PTPRQ: variants seen among roughly 807,000 people sequenced by gnomAD.
PTPRQ encodes phosphatidylinositol phosphatase PTPRQ.
In PTPRQ, 199 loss-of-function variants were observed where a neutral mutation model predicts 246.0. That is an observed-to-expected ratio of 0.81 (90% CI 0.72 to 0.91). The LOEUF is 0.91. Ranked by LOEUF, PTPRQ falls within the 40% of genes least tolerant of loss-of-function variation. The pLI is 0.00. For missense variants in PTPRQ, 2,624 were observed against 2,528.4 expected (o/e 1.04, Z -0.81); for synonymous variants, 869 against 853.2 (o/e 1.02, Z -0.32).
intron 3 of PTPRQ, among the ~76,000 whole-genome samples, chr12:80,456,324 A>G (rs1014429432): frequency 3.3e-5 from 5 of 152,152 alleles, no homozygotes; most frequent in Non-Finnish European, 5.9e-5. Flanking sequence ...GAAAAGAAAA[A>G]AAATTCTTAC....
At chr12:80,462,012 G>A (rs1047285711) in intron 6 of PTPRQ, 14 of 698,932 alleles carry the variant, frequency 2.0e-5, no homozygotes, top group Non-Finnish European at 3.7e-5. Context: ...GACAGTGGAT[G>A]CAGGTCAGTG....
chr12:80,588,060 T>C, intron 25 of PTPRQ, 69 bp from the exon 26 acceptor site: 1 of 1,427,896 alleles, frequency 7.0e-7, no homozygotes. Flanking sequence ...AATAGAATTC[T>C]ATTCTTTCTT....
intron 35 of PTPRQ, among the ~76,000 whole-genome samples, chr12:80,642,970 A>G (rs1338902858): frequency 6.6e-6 from 1 of 150,636 alleles, no homozygotes; most frequent in African/African-American, 2.4e-5. Context: ...CTCAAGTGCT[A>G]GGCACTGTTT....
chr12:80,628,362 T>C (rs1359688216), intron 33 of PTPRQ, among the ~76,000 whole-genome samples: 3 of 152,150 alleles, frequency 2.0e-5, no homozygotes, highest in Admixed American at 6.6e-5. Context: ...TCTTTTATAT[T>C]GGTAACATTA....
intron 27 of PTPRQ, among the ~76,000 whole-genome samples, chr12:80,608,821 G>A (rs17006965): frequency 0.015 from 2,191 of 150,534 alleles, 104 homozygotes; most frequent in Admixed American, 0.089. Flanking sequence ...ATGGGACCCA[G>A]GCCCCTTTAC....
rs549074949 is a variant in PTPRQ at position 80,565,398 on chromosome 12, T to C, written c.4285+15664T>C. Among the ~76,000 whole-genome samples, 7 of 152,340 alleles carry C rather than the reference T, an allele frequency of 4.6e-5. No individual in the cohort carries two copies. The South Asian group carries it at 1.4e-3, about 32-fold the overall frequency. ...TGTTTTTATTAACTTATTTAGGAAC[T>C]GGTGCATATCTTATTACCCTATTTT... is the stretch of plus-strand genomic sequence containing the variant. On this transcript the variant is annotated intron_variant, in intron 25 of 44. Coordinates refer to ENST00000644991, the MANE Select transcript of PTPRQ (RefSeq NM_001145026.2).
intron 35 of PTPRQ, among the ~76,000 whole-genome samples, chr12:80,646,145 C>T (rs1900064817): frequency 6.6e-6 from 1 of 152,026 alleles, no homozygotes; most frequent in Admixed American, 6.6e-5. Flanking sequence ...TGGATAGGAG[C>T]AGCTTGAGAT....
At chr12:80,526,959 T>C (rs182030129) in intron 17 of PTPRQ, among the ~76,000 whole-genome samples, 2 of 152,228 alleles carry the variant, frequency 1.3e-5, no homozygotes, top group Admixed American at 1.3e-4. Context: ...TTCCAACCTT[T>C]AGAGCTTTAT....
chr12:80,506,333 A>G (rs1396603591), intron 15 of PTPRQ, 127 bp downstream of exon 15: 3 of 1,096,812 alleles, frequency 2.7e-6, no homozygotes, highest in African/African-American at 3.2e-5. Context: ...TTTTTGGTTA[A>G]ATAAGCTAGG....
Position 80,493,440 on chromosome 12 carries a change from C to T in PTPRQ, c.1525C>T (p.Gln509Ter). The T allele has an allele frequency of 1.9e-6, 3 of 1,548,008 alleles. No homozygotes were observed. The highest frequency in any genetic ancestry group is 2.6e-6 in the Non-Finnish European group (3 of 1,144,998). The change falls in exon 10 of 45, where the codon CAG (glutamine) becomes TAG (stop). Residue 509 changes from glutamine to a stop codon, truncating the protein, a stop_gained. Transcript: ENST00000644991. LOFTEE classifies it high-confidence loss of function. The stretch of plus-strand genomic sequence containing the variant: ...TCCTGCAAGGAATAGAGCTGAAGAC[C>T]AGACTTCACCAGTTGGTAGGTAGAA... ...NFPARNRAED[Q>*]TSPVVTTRNQ...
chr12:80,491,977 T>C (rs1325414205), intron 9 of PTPRQ, among the ~76,000 whole-genome samples: 1 of 151,736 alleles, frequency 6.6e-6, no homozygotes, highest in Admixed American at 6.6e-5. Context: ...AGGAATAGAA[T>C]TTTTTTAAAA....
intron 6 of PTPRQ, among the ~76,000 whole-genome samples, chr12:80,463,247 A>G (rs1295666039): frequency 2.0e-5 from 3 of 152,262 alleles, no homozygotes; most frequent in Admixed American, 2.0e-4. Context: ...CAATGCAATC[A>G]ACTGGGAGAA....
intron 30 of PTPRQ, among the ~76,000 whole-genome samples, chr12:80,618,360 T>TCACA (rs3071377): frequency 0.024 from 3,049 of 125,572 alleles, 42 homozygotes; most frequent in East Asian, 0.058. Context: ...AGCACTACAT[T>TCACA]CACACACACA....
chr12:80,506,270 G>C, intron 15 of PTPRQ, 64 bp downstream of exon 15: 1 of 1,381,086 alleles, frequency 7.2e-7, no homozygotes, highest in Non-Finnish European at 9.6e-7. Context: ...ACAAATATTA[G>C]TTTAATGTTA....
chr12:80,478,800 A>G (rs147822126), intron 8 of PTPRQ, among the ~76,000 whole-genome samples: 1,823 of 152,324 alleles, frequency 0.012, 41 homozygotes, highest in African/African-American at 0.042. Flanking sequence ...AGTGAATGAA[A>G]CGAAGCGAGA....
intron 15 of PTPRQ, 35 bp from the exon 16 acceptor site, chr12:80,506,534 G>T: frequency 7.0e-7 from 1 of 1,421,636 alleles, no homozygotes; most frequent in South Asian, 1.4e-5. Context: ...ATGATATTTT[G>T]TAAGTTTCAA....
At chr12:80,648,266 CGTAA>C (rs572040972) in intron 35 of PTPRQ, among the ~76,000 whole-genome samples, 163 of 151,998 alleles carry the variant, frequency 1.1e-3, no homozygotes, top group Non-Finnish European at 1.9e-3. Flanking sequence ...TTGTGCATGA[CGTAA>C]GTGTTATTAA....
At chr12:80,484,046 T>G (rs1894183914) in intron 8 of PTPRQ, among the ~76,000 whole-genome samples, 1 of 152,112 alleles carries the variant, frequency 6.6e-6, no homozygotes, top group Admixed American at 6.6e-5. Flanking sequence ...TGCTCTTTCT[T>G]CCAGGCTGGA....
chr12:80,448,369 G>A (rs1354198621), intron 3 of PTPRQ, among the ~76,000 whole-genome samples: 1 of 151,556 alleles, frequency 6.6e-6, no homozygotes, highest in Non-Finnish European at 1.5e-5. Flanking sequence ...TTTCCAATTT[G>A]GATGCCTTTT....
Sources: allele counts gnomAD v4.1 joint callset (sites outside exome capture counted in the v4.1 genomes callset), GRCh38; gene constraint gnomAD v4.1.1; transcripts MANE v1.5; gene names NCBI Gene and HGNC (gene_info 2026-07-23, HGNC 2026-07-21).